ADGRE5: variants seen among roughly 807,000 people sequenced by gnomAD.
The protein encoded by ADGRE5 is adhesion G protein-coupled receptor E5.
In ADGRE5, 72 loss-of-function variants were observed where a neutral mutation model predicts 100.3. The ratio of observed to expected loss-of-function variants is 0.72; its 90% CI spans 0.59 to 0.87. ADGRE5 has a LOEUF of 0.87. Ranked by LOEUF, ADGRE5 falls within the 40% of genes least tolerant of loss-of-function variation. ADGRE5 has a pLI of 0.00. For synonymous variants in ADGRE5, 439 were observed against 447.8 expected (o/e 0.98, Z 0.25); for missense variants, 959 against 1,094.7 (o/e 0.88, Z 1.75).
rs751776075 is a variant in ADGRE5 at position 14,405,770 on chromosome 19, C to G, written c.1652C>G (p.Thr551Ser). 11 of 1,613,402 alleles carry G rather than the reference C, an allele frequency of 6.8e-6. No homozygotes were observed. Among genetic ancestry groups the G allele is most frequent in the Non-Finnish European group, 9.3e-6 (11 of 1,179,674 alleles). ...DVEDWKLTLI[T>S]RVGLALSLFC... is the part of the protein sequence containing the mutation. ...TAGGACTGGAAGCTGACCCTGATCA[C>G]CAGGGTGGGACTGGCGCTGTCACTC... Residue 551 changes from threonine (T) to serine (S), a missense_variant, in exon 14 of 20, where the codon ACC (threonine) becomes AGC (serine). This residue lies in a region of ADGRE5 where 428 missense variants were observed against 386.2 expected (regional missense o/e 1.11). Coordinates refer to ENST00000242786, the MANE Select transcript of ADGRE5 (RefSeq NM_078481.4).
chr19:14,394,471 C>G (rs966600321), intron 4 of ADGRE5, among the ~76,000 whole-genome samples: 3 of 152,134 alleles, frequency 2.0e-5, no homozygotes, highest in Non-Finnish European at 4.4e-5. Flanking sequence ...CCTGATCACC[C>G]GTCTTTGTCC....
In ADGRE5 at chr19:14,407,051, C is replaced by T; in HGVS notation, c.2208-10C>T. ...GGTGGGGGCCCACGCTGCAACCCCG[C>T]TCCTCGCAGGGCGCTGACCATCACG... On this transcript the variant is annotated splice_polypyrimidine_tract_variant and intron_variant, in intron 17 of 19. Transcript: ENST00000242786. 6.2e-7 allele frequency: 1 copy of T among 1,613,974 alleles called. No individual in the cohort carries two copies. The highest frequency in any genetic ancestry group is 8.5e-7 in the Non-Finnish European group (1 of 1,179,970).
rs1976270090 is a variant in ADGRE5, at chr19:14,406,901, G to C, written c.2148G>C (p.Trp716Cys). 1.2e-6 allele frequency: 2 copies of C among 1,614,224 alleles called. No individual in the cohort carries two copies. Among genetic ancestry groups the C allele is most frequent in the East Asian group, 4.5e-5 (2 of 44,890 alleles). Residue 716 changes from tryptophan to cysteine, a missense_variant, in exon 17 of 20, where the codon TGG (tryptophan) becomes TGC (cysteine). By Grantham distance (215) the Trp-to-Cys change is radical. Transcript: ENST00000242786. This position sits in a 1 kb window ranked among gnomAD's most constrained non-coding sequence, Gnocchi z 6.0. ...CTGTCATTTTCGTGACTACCGTCTGGAAGCTCACTCAGAAGTTTTCTGAAA... is the reference window on the plus strand; with the variant it reads ...CTGTCATTTTCGTGACTACCGTCTGCAAGCTCACTCAGAAGTTTTCTGAAA... ...CNAVIFVTTV[W>C]KLTQKFSEIN...
chr19:14,408,248 C>CTCCCTCCTGGTGGCA lies in ADGRE5; in HGVS notation c.*127_*128insTCCCTCCTGGTGGCA. 2 of 1,102,202 alleles carry CTCCCTCCTGGTGGCA rather than the reference C, an allele frequency of 1.8e-6. No homozygotes were observed. Among genetic ancestry groups the CTCCCTCCTGGTGGCA allele is most frequent in the South Asian group, 1.3e-5 (1 of 75,046 alleles). The allele number at this position is 1,102,202 out of a possible 1,614,324, so 68.3% of individuals were successfully genotyped here. ...CCTCCCTCCCTGATCCCGTGTGCCACCAGGAGGGAGTGGCAGCTATAGTCT... is the reference window on the plus strand; with the variant it reads ...CCTCCCTCCCTGATCCCGTGTGCCACTCCCTCCTGGTGGCACAGGAGGGAGTGGCAGCTATAGTCT... On this transcript the variant is annotated 3_prime_UTR_variant, in exon 20 of 20. Transcript: ENST00000242786.
At chr19:14,398,435 C>T (rs1296647566) in intron 9 of ADGRE5, 17 of 352,978 alleles carry the variant, frequency 4.8e-5, no homozygotes, top group Non-Finnish European at 5.9e-5. Context: ...TTTGGAAGGC[C>T]GAGGTGGGCA....
intron 1 of ADGRE5, among the ~76,000 whole-genome samples, chr19:14,385,237 C>A (rs1408440712): frequency 6.6e-6 from 1 of 151,698 alleles, no homozygotes; most frequent in African/African-American, 2.4e-5. Flanking sequence ...GTCTCACACT[C>A]CTGGCCTCAG....
rs1437736182 is a variant in ADGRE5 at position 14,406,471 on chromosome 19, G to A, written c.1962G>A (p.Trp654Ter). 6.4e-7 allele frequency: 1 copy of A among 1,567,690 alleles called. No individual in the cohort carries two copies. The highest frequency in any genetic ancestry group is 2.4e-5 in the East Asian group (1 of 42,080). ...AAGGCCAGGGCCTGAGTACGCGCTG[G>A]CTCTGCCTGATCGGCTATGGCGTGC... is the stretch of plus-strand genomic sequence containing the variant. ...VFQGQGLSTR[W>*]LCLIGYGVPL... The change falls in exon 15 of 20, where the codon TGG becomes TGA. Residue 654 changes from tryptophan to a stop codon, truncating the protein, a stop_gained. Transcript: ENST00000242786. LOFTEE classifies it high-confidence loss of function. This position sits in a 1 kb window ranked among gnomAD's most constrained non-coding sequence, Gnocchi z 6.0.
chr19:14,408,008 G>C lies in ADGRE5; in HGVS notation c.2477G>C (p.Arg826Pro), dbSNP rs201291607. ...TTSGTGHNQT[R>P]ALRASESGI ...TCTGGCACTGGCCACAATCAGACCC[G>C]GGTAAGGGGCTGCGCCTGGGGCGGG... The change falls in exon 19 of 20, where the codon CGG (arginine) becomes CCG (proline). Residue 826 changes from arginine (R) to proline (P), a missense_variant and splice_region_variant. Coordinates refer to ENST00000242786, the MANE Select transcript of ADGRE5 (RefSeq NM_078481.4). 1 of 1,614,148 alleles carries C rather than the reference G, an allele frequency of 6.2e-7. No individual in the cohort carries two copies. The highest frequency in any genetic ancestry group is 8.5e-7 in the Non-Finnish European group (1 of 1,180,006).
Position 14,397,177 on chromosome 19 carries a change from A to C in ADGRE5, c.579A>C (p.Gln193His). The C allele has an allele frequency of 6.2e-7, 1 of 1,612,738 alleles. No homozygotes were observed. Residue 193 changes from glutamine to histidine, a missense_variant, in exon 6 of 20, where the codon CAA becomes CAC. By Grantham distance (24) the Gln-to-His change is conservative. This residue lies in a region of ADGRE5 where 83 missense variants were observed against 88.8 expected (regional missense o/e 0.93). Coordinates refer to ENST00000242786, the MANE Select transcript of ADGRE5 (RefSeq NM_078481.4). ...SYQCRCRPGW[Q>H]PIPGSPNGPN... Reference sequence around the variant, plus strand: ...AGTGCCGCTGCCGCCCGGGCTGGCAACCGATTCCGGGGTCCCCCAATGGCC... The same window carrying C: ...AGTGCCGCTGCCGCCCGGGCTGGCACCCGATTCCGGGGTCCCCCAATGGCC...
chr19:14,402,386 G>A (rs1339612227), intron 11 of ADGRE5, among the ~76,000 whole-genome samples: 1 of 151,456 alleles, frequency 6.6e-6, no homozygotes, highest in Non-Finnish European at 1.5e-5. Context: ...AGTGAGCTGA[G>A]ATCACGCCAC....
At position 14,406,086 on chromosome 19, in the gene ADGRE5, G is replaced by T. The variant is rs116411115; in HGVS notation, c.1821+147G>T. Reference sequence around the variant, plus strand: ...TGTCCGGGATCTGGCCCCGCCCACCGGGGGGTCGGGTTGTCTCTTTAAAGG... The same window carrying T: ...TGTCCGGGATCTGGCCCCGCCCACCTGGGGGTCGGGTTGTCTCTTTAAAGG... On this transcript the variant is annotated intron_variant, in intron 14 of 19. Coordinates refer to ENST00000242786, the MANE Select transcript of ADGRE5 (RefSeq NM_078481.4). This position sits in a 1 kb window ranked among gnomAD's most constrained non-coding sequence, Gnocchi z 6.0. 2,205 of 755,456 alleles carry T rather than the reference G, an allele frequency of 2.9e-3. 40 individuals carry two copies. In the African/African-American group the frequency reaches 0.036, roughly 12 times the overall value. The allele number at this position is 755,456 out of a possible 1,614,324, so 46.8% of individuals were successfully genotyped here.
intron 4 of ADGRE5, among the ~76,000 whole-genome samples, chr19:14,391,863 C>T (rs1359262805): frequency 6.6e-6 from 1 of 151,962 alleles, no homozygotes; most frequent in South Asian, 2.1e-4. Context: ...TTTGGGAGGC[C>T]GAGGTGGGTG....
At chr19:14,388,312 ACATC>A in intron 1 of ADGRE5, 134 bp from the exon 2 acceptor site, 1 of 1,452,030 alleles carries the variant, frequency 6.9e-7, no homozygotes, top group Non-Finnish European at 9.3e-7. Flanking sequence ...GTGGGACATG[ACATC>A]TGCTCACTCT....
In ADGRE5 at chr19:14,395,519, A is replaced by G. The variant is rs9917014; in HGVS notation, c.347-823A>G. Among the ~76,000 whole-genome samples the G allele has an allele frequency of 3.3e-3, 510 of 152,272 alleles. 3 individuals are homozygous for G. The highest frequency in any genetic ancestry group is 0.012 in the African/African-American group (481 of 41,554). ...AGGTCTCTGTCCCTGGTGGAATGAC[A>G]AGGGATGAGAGGACAGATACATCTG... is the stretch of plus-strand genomic sequence containing the variant. On this transcript the variant is annotated intron_variant, in intron 4 of 19. Coordinates refer to ENST00000242786, the MANE Select transcript of ADGRE5 (RefSeq NM_078481.4).
Position 14,405,881 on chromosome 19 carries a change from T to C in ADGRE5, c.1763T>C (p.Ile588Thr). The C allele has an allele frequency of 6.2e-7, 1 of 1,612,382 alleles. No homozygotes were observed. ...SRTTIHLHLCICLFVGSTIFL... is the reference protein window; with the variant it reads ...SRTTIHLHLCTCLFVGSTIFL... Reference sequence around the variant, plus strand: ...ACCACCATACACCTGCACCTCTGCATCTGCCTCTTCGTGGGCTCCACCATC... The same window carrying C: ...ACCACCATACACCTGCACCTCTGCACCTGCCTCTTCGTGGGCTCCACCATC... The change falls in exon 14 of 20, where the codon ATC becomes ACC. Residue 588 changes from isoleucine to threonine, a missense_variant. Ile to Thr is a moderately conservative substitution (Grantham distance 89, BLOSUM62 -1). Transcript: ENST00000242786.
Position 14,406,283 on chromosome 19 carries a change from C to T in ADGRE5, c.1822-48C>T. 2.8e-6 allele frequency: 4 copies of T among 1,410,970 alleles called. No individual in the cohort carries two copies. The highest frequency in any genetic ancestry group is 3.8e-6 in the Non-Finnish European group (4 of 1,041,934). The allele number at this position is 1,410,970 out of a possible 1,614,324, so 87.4% of individuals were successfully genotyped here. ...AGGCGACTGGCTCTGGCGCCGCATG[C>T]CCCTCCCCGCGCTGACGTCGCTCCG... On this transcript the variant is annotated intron_variant, in intron 14 of 19. Coordinates refer to ENST00000242786, the MANE Select transcript of ADGRE5 (RefSeq NM_078481.4). This position sits in a 1 kb window ranked among gnomAD's most constrained non-coding sequence, Gnocchi z 6.0.
In ADGRE5 at chr19:14,390,159, A is replaced by G. The variant is rs563404306; in HGVS notation, c.191-765A>G. On this transcript the variant is annotated intron_variant, in intron 3 of 19. Transcript: ENST00000242786. ...GGAGGGAGGGAAGGAGGGAGGAAGGAAGGAAGGAAGGAAATAAGGGAAGAA... is the reference window on the plus strand; with the variant it reads ...GGAGGGAGGGAAGGAGGGAGGAAGGGAGGAAGGAAGGAAATAAGGGAAGAA... 1.7e-3 allele frequency among the ~76,000 whole-genome samples: 261 copies of G among 150,724 alleles called. 4 individuals carry two copies. The highest frequency in any genetic ancestry group is 5.9e-3 in the African/African-American group (242 of 40,992).
chr19:14,405,746 A>C lies in ADGRE5; in HGVS notation c.1630-2A>C. On this transcript the variant is annotated splice_acceptor_variant, in intron 13 of 19. Transcript: ENST00000242786. LOFTEE classifies it high-confidence loss of function. ...ACCCTGAGCACCCGGTGCCACTCCT[A>C]GGACTGGAAGCTGACCCTGATCACC... 1 of 1,610,610 alleles carries C rather than the reference A, an allele frequency of 6.2e-7. No homozygotes were observed. The highest frequency in any genetic ancestry group is 8.5e-7 in the Non-Finnish European group (1 of 1,177,912).
rs560353776 is a variant in ADGRE5 at position 14,388,209 on chromosome 19, C to A, written c.23-241C>A. 6.1e-4 allele frequency among the ~76,000 whole-genome samples: 92 copies of A among 151,978 alleles called. 1 individual carries two copies. The highest frequency in any genetic ancestry group is 2.1e-3 in the African/African-American group (86 of 41,458). On this transcript the variant is annotated intron_variant, in intron 1 of 19. Transcript: ENST00000242786. ...CACCACTGCACTCCAGCCTGGGTGACCAAGCAGGAGCCTGTGTCAAAAAAA... is the reference window on the plus strand; with the variant it reads ...CACCACTGCACTCCAGCCTGGGTGAACAAGCAGGAGCCTGTGTCAAAAAAA...
Sources: allele counts gnomAD v4.1 joint callset (sites outside exome capture counted in the v4.1 genomes callset), GRCh38; gene constraint gnomAD v4.1.1; regional missense constraint gnomAD v4.1.1; non-coding constraint Gnocchi (gnomAD v3.1); transcripts MANE v1.5; gene names NCBI Gene and HGNC (gene_info 2026-07-23, HGNC 2026-07-21).